Variants in MICU1 observed in about 807,000 individuals in gnomAD.
The protein encoded by MICU1 is mitochondrial calcium uptake 1.
A neutral mutation model predicts 56.8 loss-of-function variants in MICU1; 45 were observed. The ratio of observed to expected loss-of-function variants is 0.79; its 90% CI spans 0.62 to 1.02. The LOEUF is 1.02. MICU1 is among the 50% of genes least tolerant of loss of function. The pLI is 0.00. For synonymous variants in MICU1, 186 were observed against 195.1 expected, an observed-to-expected ratio of 0.95 and a Z score of 0.39; for missense variants, 504 against 587.1, an observed-to-expected ratio of 0.86 and a Z score of 1.46.
At chr10:72,620,354 T>G (rs543962797) in intron 1 of MICU1, among the ~76,000 whole-genome samples, 1 of 152,064 alleles carries the variant, frequency 6.6e-6, no homozygotes, top group African/African-American at 2.4e-5. Context: ...CTGGCTAATT[T>G]TTTGTATTTT....
chr10:72,566,486 T>C (rs1281517524), intron 2 of MICU1, 147 bp downstream of exon 2: 2 of 824,828 alleles, frequency 2.4e-6, no homozygotes, highest in East Asian at 5.5e-5. Flanking sequence ...AAACATCTTA[T>C]TTCATAGACG....
chr10:72,513,907 C>T lies in MICU1; in HGVS notation c.538-5638G>A, dbSNP rs180983572. On this transcript the variant is annotated intron_variant, in intron 5 of 11. Coordinates refer to ENST00000361114, the MANE Select transcript of MICU1 (RefSeq NM_001195518.2). The stretch of plus-strand genomic sequence containing the variant: ...TTTTCTTCCATTGTCTGTGTTTATG[C>T]CAGTACCACATCATTTACATTTTTG... Among the ~76,000 whole-genome samples, 17 of 152,072 alleles carry T rather than the reference C, an allele frequency of 1.1e-4. No individual in the cohort carries two copies. In the East Asian group the frequency reaches 3.3e-3, roughly 29 times the overall value.
intron 4 of MICU1, among the ~76,000 whole-genome samples, chr10:72,534,204 A>C (rs1839566313): frequency 6.6e-6 from 1 of 152,058 alleles, no homozygotes; most frequent in East Asian, 1.9e-4. Flanking sequence ...CCAAAAAAAA[A>C]AAAAAAAAAC....
chr10:72,509,293 T>C, intron 5 of MICU1: 1 of 921,036 alleles, frequency 1.1e-6, no homozygotes, highest in Non-Finnish European at 1.5e-6. Flanking sequence ...AAGCATAAAG[T>C]AAGAGGCAGC....
chr10:72,377,314 T>C (rs980382928), intron 10 of MICU1, among the ~76,000 whole-genome samples: 1 of 152,110 alleles, frequency 6.6e-6, no homozygotes, highest in Non-Finnish European at 1.5e-5. Context: ...GAGATGGGGT[T>C]TCACCATGTT....
chr10:72,442,008 C>T (rs1343175182), intron 8 of MICU1, among the ~76,000 whole-genome samples: 3 of 152,090 alleles, frequency 2.0e-5, no homozygotes, highest in Non-Finnish European at 4.4e-5. Flanking sequence ...CTCTCTAAGT[C>T]AGTAGACTAC....
chr10:72,465,012 T>A (rs937545217), intron 8 of MICU1, among the ~76,000 whole-genome samples: 14 of 151,998 alleles, frequency 9.2e-5, no homozygotes, highest in East Asian at 1.9e-4. Flanking sequence ...GAAAAAAAAA[T>A]TTTTTTGAGA....
intron 6 of MICU1, among the ~76,000 whole-genome samples, chr10:72,504,940 C>T (rs772654796): frequency 1.6e-4 from 25 of 151,574 alleles, no homozygotes; most frequent in East Asian, 1.2e-3. Context: ...CATCTCACAC[C>T]GGTCAGAATG....
chr10:72,437,070 A>G (rs1192427778), intron 8 of MICU1, among the ~76,000 whole-genome samples: 1 of 152,192 alleles, frequency 6.6e-6, no homozygotes. Context: ...CTCCTCGAGA[A>G]GAGCAGCTCC....
intron 1 of MICU1, among the ~76,000 whole-genome samples, chr10:72,596,341 G>A (rs1841380620): frequency 6.6e-6 from 1 of 151,920 alleles, no homozygotes; most frequent in South Asian, 2.1e-4. Context: ...AGGAGACTGA[G>A]ACAGGAGGAT....
chr10:72,541,376 C>T (rs1839769610), intron 4 of MICU1, among the ~76,000 whole-genome samples: 1 of 152,172 alleles, frequency 6.6e-6, no homozygotes. Context: ...CCAGAGGTCA[C>T]AAGACTTGTG....
At chr10:72,571,910 A>C (rs557552618) in intron 1 of MICU1, among the ~76,000 whole-genome samples, 1 of 152,220 alleles carries the variant, frequency 6.6e-6, no homozygotes, top group East Asian at 1.9e-4. Flanking sequence ...AATGATAAAG[A>C]CATTGGTATC....
chr10:72,412,190 A>G (rs1863837793), intron 9 of MICU1, among the ~76,000 whole-genome samples: 2 of 152,262 alleles, frequency 1.3e-5, no homozygotes, highest in Admixed American at 1.3e-4. Flanking sequence ...AAGCTAGAGT[A>G]AGATGATAAC....
At chr10:72,510,047 T>A in intron 5 of MICU1, among the ~76,000 whole-genome samples, 1 of 152,058 alleles carries the variant, frequency 6.6e-6, no homozygotes, top group Non-Finnish European at 1.5e-5. Flanking sequence ...ATAATAATGA[T>A]GTAATAAGCT....
intron 1 of MICU1, among the ~76,000 whole-genome samples, chr10:72,580,268 C>A (rs1186245050): frequency 1.3e-5 from 2 of 151,932 alleles, no homozygotes; most frequent in East Asian, 3.9e-4. Context: ...GTAATTAATA[C>A]CCACTATTCC....
At chr10:72,588,730 T>C (rs1589370006) in intron 1 of MICU1, among the ~76,000 whole-genome samples, 1 of 152,320 alleles carries the variant, frequency 6.6e-6, no homozygotes, top group African/African-American at 2.4e-5. Flanking sequence ...GGCTGTCCTA[T>C]GCATCGTAGG....
At chr10:72,585,550 C>A (rs1199830750) in intron 1 of MICU1, among the ~76,000 whole-genome samples, 1 of 151,850 alleles carries the variant, frequency 6.6e-6, no homozygotes, top group Non-Finnish European at 1.5e-5. Flanking sequence ...CAAAAATTAG[C>A]CAGGCATGGT....
chr10:72,583,234 G>A (rs1246878542), intron 1 of MICU1: 1 of 151,302 alleles, frequency 6.6e-6, no homozygotes, highest in Non-Finnish European at 1.5e-5. Context: ...GATTTACTTA[G>A]GGTAGGAAAG....
intron 6 of MICU1, among the ~76,000 whole-genome samples, chr10:72,479,338 C>A (rs1866218872): frequency 6.6e-6 from 1 of 152,130 alleles, no homozygotes; most frequent in Admixed American, 6.5e-5. Flanking sequence ...ACGATTTGAC[C>A]TAAAAACTAA....
Sources: allele counts gnomAD v4.1 joint callset (sites outside exome capture counted in the v4.1 genomes callset), GRCh38; gene constraint gnomAD v4.1.1; transcripts MANE v1.5; gene names NCBI Gene and HGNC (gene_info 2026-07-23, HGNC 2026-07-21).